The following MCPH1 variants were observed in gnomAD, a reference collection of about 807,000 sequenced individuals.
MCPH1 encodes the protein microcephalin 1.
In MCPH1, 104 loss-of-function variants were observed where a neutral mutation model predicts 84.5. The ratio of observed to expected loss-of-function variants is 1.23; its 90% CI spans 1.05 to 1.45. The LOEUF is 1.45. Ranked by LOEUF, MCPH1 falls within the 40% of genes most tolerant of loss-of-function variation. MCPH1 has a pLI of 0.00. For missense variants in MCPH1, 1,498 were observed against 1,005.7 expected, an observed-to-expected ratio of 1.49 and a Z score of -6.62; for synonymous variants, 514 against 366.8, an observed-to-expected ratio of 1.40 and a Z score of -4.58.
intron 12 of MCPH1, among the ~76,000 whole-genome samples, chr8:6,540,664 C>G (rs1388604802): frequency 1.3e-5 from 2 of 152,268 alleles, no homozygotes; most frequent in African/African-American, 2.4e-5. Context: ...CAAAATGCTT[C>G]TCAGTGTGTA....
chr8:6,550,131 G>A lies in MCPH1; in HGVS notation c.2214+50202G>A, dbSNP rs79820092. 5.9e-3 allele frequency among the ~76,000 whole-genome samples: 901 copies of A among 152,242 alleles called. 12 individuals carry two copies. The highest frequency in any genetic ancestry group is 0.059 in the East Asian group (306 of 5,172). On this transcript the variant is annotated intron_variant, in intron 12 of 13. Coordinates refer to ENST00000344683, the MANE Select transcript of MCPH1 (RefSeq NM_024596.5). The stretch of plus-strand genomic sequence containing the variant: ...ACATTTCAATTTTATACCAACTATC[G>A]TGCCTCCTCATGAATCCCTTCCCCG...
intron 12 of MCPH1, among the ~76,000 whole-genome samples, chr8:6,505,504 T>TAGAATATATATATTCTTTAC (rs1563307566): frequency 0.015 from 69 of 4,478 alleles, 3 homozygotes; most frequent in African/African-American, 0.038. Context: ...TTTATATATG[T>TAGAATATATATATTCTTTAC]ATATATAGAA....
At chr8:6,635,930 T>C (rs1797515509) in intron 13 of MCPH1, among the ~76,000 whole-genome samples, 1 of 152,254 alleles carries the variant, frequency 6.6e-6, no homozygotes, top group Admixed American at 6.5e-5. Context: ...ACTGGCTGCT[T>C]AGCTCCCCTG....
chr8:6,495,894 A>G (rs1020936893), intron 11 of MCPH1, among the ~76,000 whole-genome samples: 5 of 152,312 alleles, frequency 3.3e-5, no homozygotes, highest in Admixed American at 6.5e-5. Context: ...GTTTCTAACT[A>G]TCAGATTTGA....
chr8:6,468,224 C>A (rs569511951), intron 9 of MCPH1, among the ~76,000 whole-genome samples: 2 of 152,288 alleles, frequency 1.3e-5, no homozygotes, highest in East Asian at 3.9e-4. Context: ...CCTGCCACTG[C>A]CCCTTATTGT....
At chr8:6,562,936 C>T (rs1368637747) in intron 12 of MCPH1, 3 of 1,581,046 alleles carry the variant, frequency 1.9e-6, no homozygotes, top group South Asian at 2.3e-5. Context: ...CTGCCACATT[C>T]TTTCTTCAGT....
chr8:6,626,802 C>G (rs1251369453), intron 13 of MCPH1: 1 of 985,152 alleles, frequency 1.0e-6, no homozygotes, highest in Non-Finnish European at 1.2e-6. Context: ...GACATTTGTG[C>G]TGTGGTCAGC....
chr8:6,625,686 A>T (rs977131375), intron 13 of MCPH1: 1 of 983,184 alleles, frequency 1.0e-6, no homozygotes, highest in Non-Finnish European at 1.2e-6. Context: ...TGTCTTAGCT[A>T]CGTGGGAGCT....
At position 6,551,334 on chromosome 8, in the gene MCPH1, A is replaced by G. The variant is rs73507163; in HGVS notation, c.2214+51405A>G. Among the ~76,000 whole-genome samples the G allele has an allele frequency of 1.7e-3, 264 of 152,294 alleles. 1 individual carries two copies. The highest frequency in any genetic ancestry group is 6.0e-3 in the African/African-American group (248 of 41,560). On this transcript the variant is annotated intron_variant, in intron 12 of 13. Transcript: ENST00000344683. ...GAATAGTGTGCCATCAATTAATTCT[A>G]TGCATGTCAGCTGCAACGCCTTCAT...
chr8:6,535,711 C>T (rs538131276), intron 12 of MCPH1, among the ~76,000 whole-genome samples: 2 of 152,134 alleles, frequency 1.3e-5, no homozygotes, highest in East Asian at 3.9e-4. Context: ...AAGAATGGAA[C>T]AGAACCAAAA....
intron 12 of MCPH1, among the ~76,000 whole-genome samples, chr8:6,553,766 C>T (rs1281344829): frequency 1.3e-5 from 2 of 152,128 alleles, no homozygotes; most frequent in African/African-American, 4.8e-5. Context: ...TTCCCCATCC[C>T]CTTTTGGGAC....
intron 10 of MCPH1, among the ~76,000 whole-genome samples, chr8:6,479,743 G>A (rs768336106): frequency 2.9e-4 from 44 of 152,094 alleles, no homozygotes; most frequent in Non-Finnish European, 5.4e-4. Flanking sequence ...GGCATAGAAA[G>A]GTTATTATAA....
At chr8:6,588,150 G>T (rs1402524931) in intron 12 of MCPH1, among the ~76,000 whole-genome samples, 2 of 152,120 alleles carry the variant, frequency 1.3e-5, no homozygotes, top group Non-Finnish European at 2.9e-5. Flanking sequence ...TAGTCTTGAG[G>T]CAGGCTGACA....
At chr8:6,416,290 CATGTCATGTCA>C (rs1353168302) in intron 3 of MCPH1, among the ~76,000 whole-genome samples, 35 of 998 alleles carry the variant, frequency 0.035, no homozygotes, top group Non-Finnish European at 0.075. Context: ...CATGTCATGT[CATGTCATGTCA>C]TGTCATGTCA....
At chr8:6,520,959 C>T (rs1408019019) in intron 12 of MCPH1, among the ~76,000 whole-genome samples, 1 of 152,196 alleles carries the variant, frequency 6.6e-6, no homozygotes, top group Non-Finnish European at 1.5e-5. Context: ...AGGCTCTTTA[C>T]TGCCATGAAT....
At chr8:6,409,470 G>C (rs1798234043) in intron 2 of MCPH1, 100 bp downstream of exon 2, 1 of 977,404 alleles carries the variant, frequency 1.0e-6, no homozygotes. Flanking sequence ...CTTAGAATCT[G>C]GACGAAGCAA....
intron 12 of MCPH1, among the ~76,000 whole-genome samples, chr8:6,557,715 A>ACACT (rs56142423): frequency 1.3e-5 from 2 of 151,524 alleles, no homozygotes; most frequent in East Asian, 3.9e-4. Flanking sequence ...ACACACACAC[A>ACACT]TACATATATA....
intron 12 of MCPH1, among the ~76,000 whole-genome samples, chr8:6,588,372 T>C (rs1828163715): frequency 6.6e-6 from 1 of 152,096 alleles, no homozygotes; most frequent in South Asian, 2.1e-4. Context: ...AAAATGGGAC[T>C]GCAACAAAAA....
intron 9 of MCPH1, among the ~76,000 whole-genome samples, chr8:6,472,359 C>A (rs1241317573): frequency 6.6e-6 from 1 of 152,236 alleles, no homozygotes; most frequent in Non-Finnish European, 1.5e-5. Flanking sequence ...AATAGTAACA[C>A]ATCAAATGGA....
Sources: gnomAD v4.1 joint callset for allele counts (sites outside exome capture counted in the v4.1 genomes callset) on GRCh38, gnomAD v4.1.1 for gene constraint, MANE v1.5 for transcripts, NCBI Gene and HGNC (gene_info 2026-07-23, HGNC 2026-07-21) for gene names.